PAQR5: variants seen among roughly 807,000 people sequenced by gnomAD.
PAQR5 encodes progestin and adipoQ receptor family member 5, also known as membrane progestin receptor gamma.
In PAQR5, 20 loss-of-function variants were observed where a neutral mutation model predicts 34.5. The ratio of observed to expected loss-of-function variants is 0.58; its 90% CI spans 0.41 to 0.84. The LOEUF is 0.84. Ranked by LOEUF, PAQR5 falls within the 40% of genes least tolerant of loss-of-function variation. The pLI is 0.00. For synonymous variants in PAQR5, 131 were observed against 155.6 expected (o/e 0.84, Z 1.18); for missense variants, 378 against 412.7 (o/e 0.92, Z 0.73).
At chr15:69,363,133 A>G (rs902403054) in intron 3 of PAQR5, among the ~76,000 whole-genome samples, 9 of 152,092 alleles carry the variant, frequency 5.9e-5, no homozygotes, top group Non-Finnish European at 1.2e-4. Context: ...GACCTGGGCC[A>G]CTTCACTACC....
At chr15:69,310,047 T>TTA (rs1566991164) in intron 1 of PAQR5, among the ~76,000 whole-genome samples, 5 of 79,226 alleles carry the variant, frequency 6.3e-5, no homozygotes, top group African/African-American at 2.1e-4. Flanking sequence ...GACTCCATAT[T>TTA]AAAAAAAAAA....
intron 2 of PAQR5, among the ~76,000 whole-genome samples, chr15:69,356,892 C>T (rs1409039628): frequency 4.6e-5 from 7 of 152,076 alleles, no homozygotes; most frequent in South Asian, 4.1e-4. Context: ...TTTGTCCCTG[C>T]GCAAGTCTCA....
rs1297952069 is a variant in PAQR5, at chr15:69,322,832, A to AGAAGAAGAAGAG, written c.-276-14504_-276-14503insAGAAGAGGAAGA. ...AAGAGGAAGAAGAAGAAGAAGAAGA[A>AGAAGAAGAAGAG]GAAGAGGAAGAAGAAGAGGAATTAT... On this transcript the variant is annotated intron_variant, in intron 1 of 8. Transcript: ENST00000395407. Among the ~76,000 whole-genome samples, 250 of 78,528 alleles carry AGAAGAAGAAGAG rather than the reference A, an allele frequency of 3.2e-3. 66 individuals carry two copies. Among genetic ancestry groups the AGAAGAAGAAGAG allele is most frequent in the South Asian group, 7.7e-3 (14 of 1,822 alleles). The allele number at this position is 78,528 out of a possible 152,430, so 51.5% of individuals were successfully genotyped here. A position where few individuals can be genotyped will look rare whatever the true frequency, so the allele number is the denominator to read the frequency against.
chr15:69,394,754 T>G (rs752971670), intron 6 of PAQR5, among the ~76,000 whole-genome samples: 43 of 152,334 alleles, frequency 2.8e-4, no homozygotes, highest in Non-Finnish European at 4.4e-4. Context: ...CTGAGGATGC[T>G]GCGGCTGTGG....
At position 69,397,525 on chromosome 15, in the gene PAQR5, T is replaced by C; in HGVS notation, c.570T>C (p.Ala190=). ...LCKVIRVLAF[A]YPYTWDSLPI... is the part of the protein sequence containing the mutation. Reference sequence around the variant, plus strand: ...AGGTGATTCGTGTCCTCGCCTTTGCTTATCCGTACACCTGGGACTCCCTCC... The same window carrying C: ...AGGTGATTCGTGTCCTCGCCTTTGCCTATCCGTACACCTGGGACTCCCTCC... The change falls in exon 7 of 9, where the codon GCT becomes GCC. Residue 190 remains alanine (A), a synonymous_variant. Transcript: ENST00000395407. 8 of 1,613,654 alleles carry C rather than the reference T, an allele frequency of 5.0e-6. No individual in the cohort carries two copies. Among genetic ancestry groups the C allele is most frequent in the Non-Finnish European group, 6.8e-6 (8 of 1,179,526 alleles).
rs75763394 is a variant in PAQR5, at chr15:69,318,347, A to G, written c.-276-18994A>G. Among the ~76,000 whole-genome samples the G allele has an allele frequency of 5.7e-3, 872 of 152,320 alleles. 8 individuals are homozygous for G. The highest frequency in any genetic ancestry group is 0.02 in the African/African-American group (825 of 41,568). ...ATTTGGTGTCAGACATTATGCAGCC[A>G]TGTCATGTTTGAGACACCTGTTTAA... On this transcript the variant is annotated intron_variant, in intron 1 of 8. Coordinates refer to ENST00000395407, the MANE Select transcript of PAQR5 (RefSeq NM_017705.4).
chr15:69,384,558 G>A lies in PAQR5; in HGVS notation c.180-119G>A, dbSNP rs1480761610. On this transcript the variant is annotated intron_variant, in intron 4 of 8. Transcript: ENST00000395407. ...GTGGGCCCTCCGTGTTCATCATGGA[G>A]GGTGAGCGGGCCCTCCGTGTTCATG... The A allele has an allele frequency of 4.7e-4, 134 of 282,958 alleles. 41 individuals carry two copies. Among genetic ancestry groups the A allele is most frequent in the African/African-American group, 8.2e-4 (31 of 37,640 alleles). 17.5% of individuals were successfully genotyped at this position (282,958 alleles called of 1,614,324 possible).
intron 1 of PAQR5, among the ~76,000 whole-genome samples, chr15:69,320,864 T>C (rs1430176360): frequency 1.3e-5 from 2 of 152,248 alleles, no homozygotes; most frequent in East Asian, 1.9e-4. Flanking sequence ...ATGCTTTTTT[T>C]CCCTGTAAAA....
At chr15:69,388,752 A>G (rs1379040159) in intron 5 of PAQR5, among the ~76,000 whole-genome samples, 1 of 152,200 alleles carries the variant, frequency 6.6e-6, no homozygotes, top group East Asian at 1.9e-4. Flanking sequence ...ACTGGGATAA[A>G]AGACAGATCA....
At chr15:69,349,640 AT>A (rs61085048) in intron 2 of PAQR5, among the ~76,000 whole-genome samples, 56 of 147,236 alleles carry the variant, frequency 3.8e-4, no homozygotes, top group South Asian at 1.5e-3. Flanking sequence ...GTTTATTTTT[AT>A]TTTTTTTTTT....
At position 69,300,939 on chromosome 15, in the gene PAQR5, CTTTCTTTCCTTCTT is replaced by C. The variant is rs1455498767; in HGVS notation, c.-277+1885_-277+1898del. On this transcript the variant is annotated intron_variant, in intron 1 of 8. Transcript: ENST00000395407. ...TTTCTCTCTCTCTCTCTCTCTCTCT[CTTTCTTTCCTTCTT>C]TCTTTCTTTCTTTCTTTCTTTCTTT... is the stretch of plus-strand genomic sequence containing the variant. 1.3e-4 allele frequency among the ~76,000 whole-genome samples: 5 copies of C among 37,358 alleles called. 1 individual carries two copies. The highest frequency in any genetic ancestry group is 2.4e-4 in the African/African-American group (3 of 12,530). 24.5% of individuals were successfully genotyped at this position (37,358 alleles called of 152,430 possible).
At position 69,389,692 on chromosome 15, in the gene PAQR5, G is replaced by T. The variant is rs1233118417; in HGVS notation, c.424G>T (p.Ala142Ser). 2 of 1,614,072 alleles carry T rather than the reference G, an allele frequency of 1.2e-6. No homozygotes were observed. The highest frequency in any genetic ancestry group is 2.7e-5 in the African/African-American group (2 of 74,918). The change falls in exon 6 of 9, where the codon GCG (alanine) becomes TCG (serine). Residue 142 changes from alanine to serine, a missense_variant. Ala to Ser is a moderately conservative substitution (Grantham distance 99). Coordinates refer to ENST00000395407, the MANE Select transcript of PAQR5 (RefSeq NM_017705.4). Reference protein sequence around the residue: ...IAYSAYTFPDALMCTTFHDYY... With the variant: ...IAYSAYTFPDSLMCTTFHDYY... ...CTACTCTGCATACACGTTCCCGGATGCGCTCATGTGCACCACTTTCCATGA... is the reference window on the plus strand; with the variant it reads ...CTACTCTGCATACACGTTCCCGGATTCGCTCATGTGCACCACTTTCCATGA...
At position 69,360,164 on chromosome 15, in the gene PAQR5, C is replaced by A. The variant is rs773320557; in HGVS notation, c.51+33C>A. 1.3e-5 allele frequency: 21 copies of A among 1,566,688 alleles called. 1 individual carries two copies. In the Admixed American group the frequency reaches 3.3e-4, roughly 25 times the overall value. ...CTCTATTGATTATGATGGTTCATTT[C>A]CAGAGTGTGACCAGGGCTTGGCCTC... On this transcript the variant is annotated intron_variant, in intron 3 of 8. Coordinates refer to ENST00000395407, the MANE Select transcript of PAQR5 (RefSeq NM_017705.4).
intron 3 of PAQR5, among the ~76,000 whole-genome samples, chr15:69,361,243 G>A (rs2055223777): frequency 6.6e-6 from 1 of 152,166 alleles, no homozygotes; most frequent in Non-Finnish European, 1.5e-5. Flanking sequence ...TGTGATTCTT[G>A]AATTTATTTA....
intron 7 of PAQR5, chr15:69,397,866 A>G: frequency 2.5e-6 from 1 of 401,874 alleles, no homozygotes; most frequent in Non-Finnish European, 4.6e-6. Context: ...CCCCACACCC[A>G]GGTGCTGCCT....
chr15:69,333,527 C>A (rs939086489), intron 1 of PAQR5, among the ~76,000 whole-genome samples: 1 of 152,164 alleles, frequency 6.6e-6, no homozygotes, highest in East Asian at 1.9e-4. Flanking sequence ...GTCCCCACCC[C>A]GCACTGGGAG....
intron 1 of PAQR5, among the ~76,000 whole-genome samples, chr15:69,327,847 C>T (rs940693284): frequency 6.6e-6 from 1 of 152,184 alleles, no homozygotes; most frequent in African/African-American, 2.4e-5. Flanking sequence ...GTTGGGATCT[C>T]AGACTCCCAG....
At chr15:69,399,905 G>T (rs1188079429) in intron 7 of PAQR5, 69 bp from the exon 8 acceptor site, 1 of 1,509,680 alleles carries the variant, frequency 6.6e-7, no homozygotes, top group Non-Finnish European at 9.0e-7. Flanking sequence ...AGATGCAGGT[G>T]CTGAGAAGGA....
intron 1 of PAQR5, among the ~76,000 whole-genome samples, chr15:69,332,705 CCA>C (rs1218123694): frequency 7.6e-6 from 1 of 131,160 alleles, no homozygotes; most frequent in Non-Finnish European, 1.6e-5. Context: ...CCCGGCCAAC[CCA>C]TGGATAGCTT....
Sources: gnomAD v4.1 joint callset for allele counts (sites outside exome capture counted in the v4.1 genomes callset) on GRCh38, gnomAD v4.1.1 for gene constraint, MANE v1.5 for transcripts, NCBI Gene and HGNC (gene_info 2026-07-23, HGNC 2026-07-21) for gene names.